The following C12orf42 variants were observed in gnomAD, a reference collection of about 807,000 sequenced individuals.
The protein encoded by C12orf42 is chromosome 12 open reading frame 42.
A neutral mutation model predicts 21.6 loss-of-function variants in C12orf42; 25 were observed. The observed-to-expected ratio is 1.16, with a 90% CI of 0.84 to 1.62. C12orf42 has a LOEUF of 1.62. Among genes scored for constraint, C12orf42 ranks in the 40% most tolerant of loss-of-function variants. C12orf42 has a pLI of 0.00. For synonymous variants in C12orf42, 174 were observed against 175.0 expected, an observed-to-expected ratio of 0.99 and a Z score of 0.05; for missense variants, 483 against 459.3, an observed-to-expected ratio of 1.05 and a Z score of -0.47.
At chr12:103,263,556 G>T (rs189760889), downstream of C12orf42, among the ~76,000 whole-genome samples, 192 of 152,112 alleles carry the variant, frequency 1.3e-3, no homozygotes, top group South Asian at 0.012. Flanking sequence ...AGTGGTCCTG[G>T]CAGCCTGGTC....
chr12:103,186,367 C>T, the C12orf42 span, among the ~76,000 whole-genome samples: 1 of 152,198 alleles, frequency 6.6e-6, no homozygotes, highest in Admixed American at 6.5e-5. Flanking sequence ...TTCTGTTAAT[C>T]TTCCTCATAA....
the C12orf42 span, among the ~76,000 whole-genome samples, chr12:103,065,022 G>A: frequency 6.6e-6 from 1 of 152,162 alleles, no homozygotes. Flanking sequence ...CTGACTGGTA[G>A]GGTGAGGATT....
the C12orf42 span, chr12:103,164,485 T>G: frequency 4.0e-5 from 18 of 453,698 alleles, no homozygotes; most frequent in Non-Finnish European, 8.0e-5. Flanking sequence ...ACTGAATAAG[T>G]GAGTACATTT....
chr12:103,232,213 C>G, the C12orf42 span, among the ~76,000 whole-genome samples: 1 of 152,172 alleles, frequency 6.6e-6, no homozygotes, highest in African/African-American at 2.4e-5. Flanking sequence ...AGTCCTTTCT[C>G]AGATATGCAT....
the C12orf42 span, among the ~76,000 whole-genome samples, chr12:103,160,589 C>T: frequency 1.3e-5 from 2 of 152,180 alleles, no homozygotes; most frequent in African/African-American, 4.8e-5. Flanking sequence ...CTCAAGACTA[C>T]AGCAATTGCA....
intron 5 of C12orf42, among the ~76,000 whole-genome samples, chr12:103,274,682 C>A (rs922907528): frequency 3.3e-5 from 5 of 152,130 alleles, no homozygotes; most frequent in Non-Finnish European, 7.4e-5. Context: ...TGAACATGCT[C>A]TTGTTTTAAA....
chr12:103,482,908 G>C (rs1954572165), intron 1 of C12orf42, among the ~76,000 whole-genome samples: 2 of 151,444 alleles, frequency 1.3e-5, no homozygotes, highest in Non-Finnish European at 2.9e-5. Flanking sequence ...CTTGCCTATT[G>C]AATTTTTAAT....
intron 4 of C12orf42, among the ~76,000 whole-genome samples, chr12:103,348,728 C>T (rs1032236115): frequency 6.6e-6 from 1 of 151,926 alleles, no homozygotes; most frequent in African/African-American, 2.4e-5. Context: ...GAACAGAAAC[C>T]AGGAAAAGAA....
chr12:103,478,252 C>A, intron 2 of C12orf42, 97 bp downstream of exon 2: 1 of 727,268 alleles, frequency 1.4e-6, no homozygotes, highest in South Asian at 1.8e-5. Flanking sequence ...AATATAATAT[C>A]AATGACACTG....
chr12:103,156,041 G>C, the C12orf42 span: 86 of 151,652 alleles, frequency 5.7e-4, no homozygotes, highest in African/African-American at 2.0e-3. Context: ...ATTATCAATA[G>C]CAATAATTTT....
intron 4 of C12orf42, among the ~76,000 whole-genome samples, chr12:103,335,348 C>A (rs2041600332): frequency 6.6e-6 from 1 of 152,176 alleles, no homozygotes; most frequent in Non-Finnish European, 1.5e-5. Flanking sequence ...ATGTAGGATG[C>A]TTTTAGCATA....
the C12orf42 span, among the ~76,000 whole-genome samples, chr12:103,501,864 A>T: frequency 4.6e-5 from 7 of 152,218 alleles, no homozygotes; most frequent in Admixed American, 1.3e-4. Context: ...ATTGGGTTTT[A>T]AAAAAGACAT....
chr12:103,415,988 T>C (rs931442061), intron 2 of C12orf42, among the ~76,000 whole-genome samples: 8 of 151,836 alleles, frequency 5.3e-5, no homozygotes, highest in Admixed American at 5.3e-4. Context: ...TGGGTCTACA[T>C]GATTTAGCAG....
the C12orf42 span, among the ~76,000 whole-genome samples, chr12:103,067,346 A>C: frequency 6.6e-6 from 1 of 152,264 alleles, no homozygotes; most frequent in South Asian, 2.1e-4. Context: ...GAAGTGTGGC[A>C]GTGGGTTCAT....
At position 103,277,549 on chromosome 12, in the gene C12orf42, T is replaced by C. The variant is rs183194421; in HGVS notation, n.338-339A>G. Among the ~76,000 whole-genome samples the C allele has an allele frequency of 2.5e-3, 377 of 152,236 alleles. 1 individual carries two copies. The highest frequency in any genetic ancestry group is 4.3e-3 in the Non-Finnish European group (292 of 68,006). ...CAGAGATCTCTGGTAGTTTCTGGAT[T>C]ACACTTGAGAACCACTGATATATAA... is the stretch of plus-strand genomic sequence containing the variant. On this transcript the variant is annotated intron_variant and non_coding_transcript_variant, in intron 4 of 6. Coordinates refer to the C12orf42 transcript ENST00000546526.
the C12orf42 span, among the ~76,000 whole-genome samples, chr12:103,108,032 A>G: frequency 4.6e-4 from 69 of 151,638 alleles, no homozygotes; most frequent in African/African-American, 1.6e-3. Context: ...TTAAAGAAAA[A>G]ATAGAAGACA....
intron 4 of C12orf42, among the ~76,000 whole-genome samples, chr12:103,307,421 T>C (rs2038475383): frequency 6.6e-6 from 1 of 152,192 alleles, no homozygotes; most frequent in Non-Finnish European, 1.5e-5. Context: ...TTTACCTAAT[T>C]CATTTCCACT....
intron 2 of C12orf42, among the ~76,000 whole-genome samples, chr12:103,420,754 C>T (rs2049816472): frequency 2.6e-5 from 4 of 152,208 alleles, no homozygotes; most frequent in Admixed American, 6.5e-5. Context: ...TTCCTGACCT[C>T]GTGATCTGCC....
chr12:103,226,617 A>G, the C12orf42 span, among the ~76,000 whole-genome samples: 6 of 152,304 alleles, frequency 3.9e-5, no homozygotes, highest in East Asian at 1.2e-3. Context: ...AGGGCTAGTC[A>G]CGGAAAGAAA....
Sources: allele counts gnomAD v4.1 joint callset (sites outside exome capture counted in the v4.1 genomes callset), GRCh38; gene constraint gnomAD v4.1.1; transcripts MANE v1.5; gene names NCBI Gene and HGNC (gene_info 2026-07-23, HGNC 2026-07-21).